The following SLC44A5 variants were observed in gnomAD, a reference collection of about 807,000 sequenced individuals.
The protein encoded by SLC44A5 is choline transporter-like protein 5.
SLC44A5 carries 57 observed loss-of-function variants against 101.8 expected under a neutral mutation model. That is an observed-to-expected ratio of 0.56 (90% CI 0.45 to 0.70). The LOEUF (loss-of-function observed/expected upper bound fraction) is 0.70. Among genes scored for constraint, SLC44A5 ranks in the 30% least tolerant of loss-of-function variants. The probability of loss-of-function intolerance (pLI) is 0.00; values close to 1 mark genes in which losing one functional copy is unlikely to be tolerated. For missense variants in SLC44A5, 737 were observed against 853.1 expected (o/e 0.86, Z 1.70); for synonymous variants, 281 against 290.9 (o/e 0.97, Z 0.35).
Position 75,208,692 on chromosome 1 carries a change from C to A in SLC44A5, c.2047+2776G>T, listed in dbSNP as rs566039337. On this transcript the variant is annotated intron_variant, in intron 23 of 23. Transcript: ENST00000370859. ...CATGTCCAGGGGTCTTGGAATGTAA[C>A]CCCCATGGATAAGGAGAGATTACTG... Among the ~76,000 whole-genome samples the A allele has an allele frequency of 8.5e-5, 13 of 152,176 alleles. No homozygotes were observed. In the South Asian group the frequency reaches 2.3e-3, roughly 27 times the overall value.
the SLC44A5 span, among the ~76,000 whole-genome samples, chr1:75,670,305 T>C: frequency 6.6e-6 from 1 of 152,102 alleles, no homozygotes. Context: ...GTTGAGATAT[T>C]CCTACATGTA....
At chr1:75,509,677 G>A (rs1415691551) in intron 2 of SLC44A5, among the ~76,000 whole-genome samples, 5 of 152,142 alleles carry the variant, frequency 3.3e-5, no homozygotes, top group Admixed American at 6.5e-5. Context: ...GGAAGTAAAT[G>A]GAATTTTATT....
chr1:75,616,308 G>C, the SLC44A5 span, among the ~76,000 whole-genome samples: 1 of 149,728 alleles, frequency 6.7e-6, no homozygotes, highest in Admixed American at 6.6e-5. Context: ...CTACCGCGCC[G>C]TCATCCAGCA....
In SLC44A5 at chr1:75,215,744, A is replaced by G. The variant is rs769618641; in HGVS notation, c.1728+10T>C. On this transcript the variant is annotated intron_variant, in intron 19 of 23. Transcript: ENST00000370859. ...AAGCAGCTTAGTAAATAATAAAATA[A>G]TCTACCTACCATAATATAGGCATTT... The G allele has an allele frequency of 6.6e-7, 1 of 1,505,368 alleles. No individual in the cohort carries two copies. The highest frequency in any genetic ancestry group is 9.2e-7 in the Non-Finnish European group (1 of 1,082,928). The allele number at this position is 1,505,368 out of a possible 1,614,324, so 93.3% of individuals were successfully genotyped here.
intron 6 of SLC44A5, among the ~76,000 whole-genome samples, chr1:75,262,829 A>T (rs1051041218): frequency 1.3e-5 from 2 of 152,220 alleles, no homozygotes; most frequent in Non-Finnish European, 2.9e-5. Flanking sequence ...ATAACGTCAC[A>T]TATCTACAAC....
intron 2 of SLC44A5, among the ~76,000 whole-genome samples, chr1:75,414,325 A>ATC (rs1491466647): frequency 2.2e-4 from 7 of 31,842 alleles, no homozygotes; most frequent in African/African-American, 1.4e-3. Context: ...ATATCCACAT[A>ATC]CACACACACA....
intron 3 of SLC44A5, among the ~76,000 whole-genome samples, chr1:75,374,690 G>A (rs758043020): frequency 6.6e-5 from 10 of 152,110 alleles, no homozygotes; most frequent in Non-Finnish European, 1.2e-4. Flanking sequence ...ACACCGGGAA[G>A]CAAAAATACA....
At chr1:75,567,919 T>C (rs1672873404) in intron 1 of SLC44A5, among the ~76,000 whole-genome samples, 2 of 152,174 alleles carry the variant, frequency 1.3e-5, no homozygotes, top group African/African-American at 4.8e-5. Context: ...TTCTCTGAAA[T>C]AGTAGCTCGT....
At position 75,274,975 on chromosome 1, in the gene SLC44A5, C is replaced by A; in HGVS notation, c.243G>T (p.Gln81His). The A allele has an allele frequency of 6.2e-7, 1 of 1,612,568 alleles. No individual in the cohort carries two copies. The highest frequency in any genetic ancestry group is 8.5e-7 in the Non-Finnish European group (1 of 1,179,244). Residue 81 changes from glutamine (Q) to histidine (H), a missense_variant, in exon 6 of 24, where the codon CAG (glutamine) becomes CAT (histidine). This residue lies in a region of SLC44A5 where 665 missense variants were observed against 764.4 expected (regional missense o/e 0.87). Transcript: ENST00000370859. Reference protein sequence around the residue: ...PTDSQGHFCGQKGTPNENKTI... With the variant: ...PTDSQGHFCGHKGTPNENKTI... ...ATACTCACTCATTGGGAGTGCCCTT[C>A]TGGCCACAAAAGTGGCCCTGGCTGT...
Position 75,535,856 on chromosome 1 carries a change from G to A in SLC44A5, c.13+5579C>T, listed in dbSNP as rs564960803. Among the ~76,000 whole-genome samples the A allele has an allele frequency of 7.2e-5, 11 of 152,064 alleles. No individual in the cohort carries two copies. In the South Asian group the frequency reaches 2.3e-3, roughly 32 times the overall value. ...CTCAGCAGAAACATTTTTAGTAGTT[G>A]GCATCTAAGACACCATTCACAATTA... On this transcript the variant is annotated intron_variant, in intron 2 of 23. Transcript: ENST00000370859.
rs1340595670 is a variant in SLC44A5 at position 75,392,357 on chromosome 1, C to T, written c.52+4226G>A. Among the ~76,000 whole-genome samples, 8 of 152,090 alleles carry T rather than the reference C, an allele frequency of 5.3e-5. No individual in the cohort carries two copies. The East Asian group carries it at 9.7e-4, about 18-fold the overall frequency. ...ATTCCATTAAAAGGTGGACAAGATA[C>T]TTCAAAAAGAAGATATACAAGTGGC... On this transcript the variant is annotated intron_variant, in intron 3 of 23. Transcript: ENST00000370859.
intron 3 of SLC44A5, among the ~76,000 whole-genome samples, chr1:75,393,954 C>A (rs1661961156): frequency 6.6e-6 from 1 of 151,944 alleles, no homozygotes; most frequent in South Asian, 2.1e-4. Flanking sequence ...ATAAATAAGT[C>A]CAGGGCAAGA....
chr1:75,561,047 T>TTCAACAC (rs1370749602), intron 1 of SLC44A5, among the ~76,000 whole-genome samples: 1 of 152,172 alleles, frequency 6.6e-6, no homozygotes, highest in African/African-American at 2.4e-5. Context: ...CACAGGGTAA[T>TTCAACAC]TCAACACTTT....
chr1:75,226,681 G>C (rs1446740243), intron 13 of SLC44A5, among the ~76,000 whole-genome samples: 1 of 151,842 alleles, frequency 6.6e-6, no homozygotes, highest in Non-Finnish European at 1.5e-5. Flanking sequence ...AGGCTTCCTT[G>C]AATGTGTCTT....
chr1:75,425,481 T>A (rs1463275014), intron 2 of SLC44A5, among the ~76,000 whole-genome samples: 1 of 152,182 alleles, frequency 6.6e-6, no homozygotes, highest in African/African-American at 2.4e-5. Context: ...AGAGGAACAC[T>A]GTCAGCAATC....
intron 2 of SLC44A5, among the ~76,000 whole-genome samples, chr1:75,483,431 T>C (rs1210879013): frequency 2.0e-5 from 3 of 152,152 alleles, no homozygotes; most frequent in South Asian, 2.1e-4. Context: ...TCCTCATTAT[T>C]TGAAACAAGA....
intron 23 of SLC44A5, among the ~76,000 whole-genome samples, chr1:75,204,186 C>T (rs1474735912): frequency 6.6e-6 from 1 of 151,794 alleles, no homozygotes; most frequent in Non-Finnish European, 1.5e-5. Flanking sequence ...TTCTGTTTTG[C>T]CATCAATAAT....
chr1:75,273,627 A>G (rs189318963), intron 6 of SLC44A5, among the ~76,000 whole-genome samples: 1 of 152,180 alleles, frequency 6.6e-6, no homozygotes, highest in African/African-American at 2.4e-5. Flanking sequence ...GCATCTATTG[A>G]GATTGATCAC....
chr1:75,270,664 T>A (rs1651392912), intron 6 of SLC44A5, among the ~76,000 whole-genome samples: 1 of 152,124 alleles, frequency 6.6e-6, no homozygotes, highest in South Asian at 2.1e-4. Flanking sequence ...CAGAATCAAC[T>A]GTTGAACATA....
Sources: allele counts gnomAD v4.1 joint callset (sites outside exome capture counted in the v4.1 genomes callset), GRCh38; gene constraint gnomAD v4.1.1; regional missense constraint gnomAD v4.1.1; transcripts MANE v1.5; gene names NCBI Gene and HGNC (gene_info 2026-07-23, HGNC 2026-07-21).